FLVCR1: variants seen among roughly 807,000 people sequenced by gnomAD.
FLVCR1 encodes choline/ethanolamine transporter FLVCR1.
Under a neutral mutation model 53.6 loss-of-function variants are expected in FLVCR1, and 34 were observed. That is an observed-to-expected ratio of 0.63 (90% confidence interval 0.48 to 0.84). The LOEUF is 0.84. Ranked by LOEUF, FLVCR1 falls within the 40% of genes least tolerant of loss-of-function variation. The probability of loss-of-function intolerance (pLI) is 0.00; values close to 1 mark genes in which losing one functional copy is unlikely to be tolerated. For synonymous variants in FLVCR1, 300 were observed against 286.3 expected, an observed-to-expected ratio of 1.05 and a Z score of -0.48; for missense variants, 677 against 696.7, an observed-to-expected ratio of 0.97 and a Z score of 0.32.
Position 212,871,546 on chromosome 1 carries a change from A to G in FLVCR1, c.884-1132A>G, listed in dbSNP as rs374077300. Among the ~76,000 whole-genome samples, 14 of 152,214 alleles carry G rather than the reference A, an allele frequency of 9.2e-5. No individual in the cohort carries two copies. In the East Asian group the frequency reaches 2.7e-3, roughly 29 times the overall value. ...ATCCTCTCGCTTCAGCCTCGCAAGT[A>G]GCTAGGATTACAGGTGCATGCTGCC... is the stretch of plus-strand genomic sequence containing the variant. On this transcript the variant is annotated intron_variant, in intron 2 of 9. Coordinates refer to ENST00000366971, the MANE Select transcript of FLVCR1 (RefSeq NM_014053.4).
intron 8 of FLVCR1, among the ~76,000 whole-genome samples, chr1:212,890,803 T>A (rs1665172575): frequency 6.6e-6 from 1 of 152,240 alleles, no homozygotes; most frequent in African/African-American, 2.4e-5. Flanking sequence ...TCATTCTTTG[T>A]GAAACCTTCA....
Position 212,892,005 on chromosome 1 carries a change from C to T in FLVCR1, c.1525+2748C>T, listed in dbSNP as rs75969339. ...GCCAAAGCCTAATCTAGAGCAAGGCCCTAACTGTCCAATTCTGTGAACGTT... is the reference window on the plus strand; with the variant it reads ...GCCAAAGCCTAATCTAGAGCAAGGCTCTAACTGTCCAATTCTGTGAACGTT... On this transcript the variant is annotated intron_variant, in intron 8 of 9. Coordinates refer to ENST00000366971, the MANE Select transcript of FLVCR1 (RefSeq NM_014053.4). 6.7e-3 allele frequency among the ~76,000 whole-genome samples: 1,024 copies of T among 152,236 alleles called. 6 individuals are homozygous for T. The highest frequency in any genetic ancestry group is 0.012 in the Non-Finnish European group (787 of 68,014).
At position 212,858,814 on chromosome 1, in the gene FLVCR1, A is replaced by G. The variant is rs933848598; in HGVS notation, c.362A>G (p.Asn121Ser). ...ATCTTCAGCCTGTACTCGCTGGTCA[A>G]CGCCTTTCAGTGGATCCAGTACAGC... ...LLIFSLYSLV[N>S]AFQWIQYSII... The change falls in exon 1 of 10, where the codon AAC (asparagine) becomes AGC (serine). Residue 121 changes from asparagine to serine, a missense_variant. By Grantham distance (46) the Asn-to-Ser change is conservative (BLOSUM62 1). Coordinates refer to ENST00000366971, the MANE Select transcript of FLVCR1 (RefSeq NM_014053.4). 1.9e-5 allele frequency: 31 copies of G among 1,614,074 alleles called. No homozygotes were observed. The highest frequency in any genetic ancestry group is 6.7e-5 in the East Asian group (3 of 44,892).
chr1:212,893,596 G>A (rs897410222), intron 8 of FLVCR1, among the ~76,000 whole-genome samples: 1 of 151,942 alleles, frequency 6.6e-6, no homozygotes, highest in African/African-American at 2.4e-5. Context: ...TGATTAATAC[G>A]GCAAACTTCG....
intron 5 of FLVCR1, among the ~76,000 whole-genome samples, chr1:212,886,757 G>A (rs1006724218): frequency 2.0e-5 from 3 of 151,948 alleles, no homozygotes; most frequent in Non-Finnish European, 4.4e-5. Context: ...CTGAGATAGC[G>A]TGCCACTGGT....
Position 212,899,167 on chromosome 1 carries a change from C to T in FLVCR1, c.*3877C>T, listed in dbSNP as rs1414194915. ...TATTACAAATGTCACAAATACAGCT[C>T]TTGCCTTTTGAGAATGTTGGAGAGA... On this transcript the variant is annotated 3_prime_UTR_variant, in exon 10 of 10. Transcript: ENST00000366971. 1 of 152,176 alleles carries T rather than the reference C, an allele frequency of 6.6e-6. No homozygotes were observed. The highest frequency in any genetic ancestry group is 1.9e-4 in the East Asian group (1 of 5,198). 9.4% of individuals were successfully genotyped at this position (152,176 alleles called of 1,614,324 possible).
chr1:212,874,891 C>G (rs1036518662), intron 3 of FLVCR1, among the ~76,000 whole-genome samples: 1 of 148,848 alleles, frequency 6.7e-6, no homozygotes, highest in African/African-American at 2.5e-5. Flanking sequence ...TTCAGCCACA[C>G]TTATAACCAA....
At chr1:212,884,254 G>A (rs1230581738) in intron 4 of FLVCR1, among the ~76,000 whole-genome samples, 3 of 151,896 alleles carry the variant, frequency 2.0e-5, no homozygotes, top group South Asian at 2.1e-4. Context: ...AGCCGAGATC[G>A]TGCCATTGTA....
chr1:212,880,797 A>C (rs1664899205), intron 3 of FLVCR1, among the ~76,000 whole-genome samples: 1 of 46,744 alleles, frequency 2.1e-5, no homozygotes, highest in Non-Finnish European at 6.5e-5. Flanking sequence ...CTCTTTATTA[A>C]AAAAAAAAAA....
intron 6 of FLVCR1, 51 bp from the exon 7 acceptor site, chr1:212,888,438 G>A (rs771307778): frequency 8.2e-7 from 1 of 1,221,344 alleles, no homozygotes. Context: ...ATCAGTATGT[G>A]ATTGTGACTT....
intron 3 of FLVCR1, among the ~76,000 whole-genome samples, chr1:212,880,890 A>G (rs1664901455): frequency 6.6e-6 from 1 of 152,164 alleles, no homozygotes; most frequent in African/African-American, 2.4e-5. Flanking sequence ...TCCAGTGTGA[A>G]TTGACAGCTA....
Position 212,889,772 on chromosome 1 carries a change from A to AAAAT in FLVCR1, c.1525+516_1525+517insAATA, listed in dbSNP as rs386369573. On this transcript the variant is annotated intron_variant, in intron 8 of 9. Coordinates refer to ENST00000366971, the MANE Select transcript of FLVCR1 (RefSeq NM_014053.4). The stretch of plus-strand genomic sequence containing the variant: ...CTCTGTCTCAAAAAAAAAAAAAAAA[A>AAAAT]AGAGTAGTAAAGACCTGGAGTTGGG... Among the ~76,000 whole-genome samples the AAAAT allele has an allele frequency of 3.2e-4, 48 of 151,660 alleles. No homozygotes were observed. The South Asian group carries it at 8.2e-3, about 26-fold the overall frequency.
In FLVCR1 at chr1:212,883,557, C is replaced by A. The variant is rs1447904278; in HGVS notation, c.1092+119C>A. ...TGACATTGTTGCTATCAAATATTTA[C>A]ATTTGTTTTAATTGAGAATATATTT... On this transcript the variant is annotated intron_variant, in intron 4 of 9. Transcript: ENST00000366971. 7.7e-6 allele frequency: 5 copies of A among 653,520 alleles called. No individual in the cohort carries two copies. In the Admixed American group the frequency reaches 1.3e-4, roughly 17 times the overall value. The allele number at this position is 653,520 out of a possible 1,614,324, so 40.5% of individuals were successfully genotyped here.
chr1:212,877,193 T>G (rs1452947352), intron 3 of FLVCR1, among the ~76,000 whole-genome samples: 1 of 147,114 alleles, frequency 6.8e-6, no homozygotes, highest in African/African-American at 2.5e-5. Flanking sequence ...TGGAGTGCAG[T>G]GGCATGATCT....
intron 8 of FLVCR1, among the ~76,000 whole-genome samples, chr1:212,893,705 C>T (rs1319977785): frequency 6.6e-6 from 1 of 152,222 alleles, no homozygotes; most frequent in African/African-American, 2.4e-5. Context: ...CAAGACCCTC[C>T]ACCAGCAAAA....
At position 212,859,182 on chromosome 1, in the gene FLVCR1, G is replaced by T; in HGVS notation, c.730G>T (p.Gly244Cys). The change falls in exon 1 of 10, where the codon GGC becomes TGC. Residue 244 changes from glycine (G) to cysteine (C), a missense_variant. Transcript: ENST00000366971. ...VSTACATAVL[G>C]NQLGTAVGFL... ...CACAGCTTGTGCCACCGCCGTGCTG[G>T]GCAATCAGGTAAGTACTGGAGTGGT... The T allele has an allele frequency of 6.2e-7, 1 of 1,614,066 alleles. No individual in the cohort carries two copies. Among genetic ancestry groups the T allele is most frequent in the South Asian group, 1.1e-5 (1 of 91,070 alleles).
chr1:212,885,867 T>C (rs912340490), intron 5 of FLVCR1, among the ~76,000 whole-genome samples: 5 of 151,952 alleles, frequency 3.3e-5, no homozygotes, highest in Non-Finnish European at 5.9e-5. Flanking sequence ...GTTTCAATAC[T>C]CTATGTATTG....
At chr1:212,877,608 A>G (rs1664792452) in intron 3 of FLVCR1, among the ~76,000 whole-genome samples, 1 of 150,486 alleles carries the variant, frequency 6.6e-6, no homozygotes, top group African/African-American at 2.4e-5. Context: ...TAGACTCTGG[A>G]TAATTAGATC....
chr1:212,891,999 CA>C (rs1665206030), intron 8 of FLVCR1, among the ~76,000 whole-genome samples: 1 of 152,202 alleles, frequency 6.6e-6, no homozygotes, highest in African/African-American at 2.4e-5. Context: ...TAATCTAGAG[CA>C]AGGCCCTAAC....
Sources: allele counts gnomAD v4.1 joint callset (sites outside exome capture counted in the v4.1 genomes callset), GRCh38; gene constraint gnomAD v4.1.1; transcripts MANE v1.5; gene names NCBI Gene and HGNC (gene_info 2026-07-23, HGNC 2026-07-21).